Variants in RFTN1 observed in about 807,000 individuals in gnomAD.
RFTN1 encodes raftlin, lipid raft linker 1.
Under a neutral mutation model 46.5 loss-of-function variants are expected in RFTN1, and 26 were observed. That is an observed-to-expected ratio of 0.56 (90% CI 0.41 to 0.78). RFTN1 has a LOEUF of 0.78. Ranked by LOEUF, RFTN1 falls within the 30% of genes least tolerant of loss-of-function variation. The pLI is 0.00. For missense variants in RFTN1, 693 were observed against 718.7 expected (o/e 0.96, Z 0.41); for synonymous variants, 261 against 284.2 (o/e 0.92, Z 0.82).
At chr3:16,493,978 T>C (rs901481736) in intron 1 of RFTN1, 101 bp from the exon 2 acceptor site, 13 of 1,292,856 alleles carry the variant, frequency 1.0e-5, no homozygotes, top group Non-Finnish European at 1.4e-5. Flanking sequence ...GAAGAATACA[T>C]GACAGACCTC....
At chr3:16,441,027 C>T (rs574781328) in intron 2 of RFTN1, among the ~76,000 whole-genome samples, 2 of 152,254 alleles carry the variant, frequency 1.3e-5, no homozygotes, top group Non-Finnish European at 2.9e-5. Context: ...TGATACTGGC[C>T]TCTATTTCCT....
intron 2 of RFTN1, among the ~76,000 whole-genome samples, chr3:16,455,261 G>A (rs911784019): frequency 2.0e-5 from 3 of 152,222 alleles, no homozygotes; most frequent in Non-Finnish European, 4.4e-5. Context: ...CGATTACGTG[G>A]AGAAATGATG....
At chr3:16,367,417 G>T (rs1175249538) in intron 6 of RFTN1, among the ~76,000 whole-genome samples, 3 of 152,160 alleles carry the variant, frequency 2.0e-5, no homozygotes, top group Non-Finnish European at 4.4e-5. Context: ...CCTCCCAAAA[G>T]ACATATAAAG....
intron 1 of RFTN1, 102 bp from the exon 2 acceptor site, chr3:16,493,979 G>A (rs2076584567): frequency 7.8e-7 from 1 of 1,280,804 alleles, no homozygotes; most frequent in African/African-American, 1.5e-5. Flanking sequence ...AAGAATACAT[G>A]ACAGACCTCA....
chr3:16,479,967 A>T lies in RFTN1; in HGVS notation c.145+13758T>A, dbSNP rs572879090. ...CTGGCCTGGTTTCCAGATATAGGAG[A>T]ACAGACACCAGACTAGGACATTAAA... On this transcript the variant is annotated intron_variant, in intron 2 of 9. Coordinates refer to ENST00000334133, the MANE Select transcript of RFTN1 (RefSeq NM_015150.2). This position sits in a 1 kb window ranked among gnomAD's most constrained non-coding sequence, Gnocchi z 5.1. 2.0e-5 allele frequency among the ~76,000 whole-genome samples: 3 copies of T among 152,330 alleles called. No homozygotes were observed. Among genetic ancestry groups the T allele is most frequent in the South Asian group, 4.1e-4 (2 of 4,820 alleles).
chr3:16,355,739 G>C (rs1178939824), intron 7 of RFTN1, among the ~76,000 whole-genome samples: 1 of 152,238 alleles, frequency 6.6e-6, no homozygotes, highest in Non-Finnish European at 1.5e-5. Flanking sequence ...GGGTTCAGCA[G>C]ATCTGGAGTG....
At chr3:16,455,393 A>G (rs1375180940) in intron 2 of RFTN1, among the ~76,000 whole-genome samples, 1 of 152,198 alleles carries the variant, frequency 6.6e-6, no homozygotes, top group Non-Finnish European at 1.5e-5. Context: ...TTTCAAATCC[A>G]CTGGGAAGAG....
chr3:16,460,126 T>C lies in RFTN1; in HGVS notation c.146-26089A>G, dbSNP rs1248007662. The stretch of plus-strand genomic sequence containing the variant: ...TCAGATAATAATGTAGTATGTAAAA[T>C]ATGCATGGTGGAAGGAGTAAACTGT... On this transcript the variant is annotated intron_variant, in intron 2 of 9. Transcript: ENST00000334133. The surrounding 1 kb of genome is among the most constrained non-coding windows in gnomAD (Gnocchi z 4.8). 3.3e-5 allele frequency among the ~76,000 whole-genome samples: 5 copies of C among 152,152 alleles called. No homozygotes were observed. Among genetic ancestry groups the C allele is most frequent in the Non-Finnish European group, 5.9e-5 (4 of 68,022 alleles).
chr3:16,469,550 C>T (rs779793174), intron 2 of RFTN1, among the ~76,000 whole-genome samples: 2 of 152,152 alleles, frequency 1.3e-5, no homozygotes, highest in South Asian at 4.2e-4. Context: ...CTGGTGCAGG[C>T]GGGAAGGAAC....
chr3:16,434,141 C>T (rs141200456), intron 2 of RFTN1, 104 bp from the exon 3 acceptor site: 5 of 950,950 alleles, frequency 5.3e-6, no homozygotes, highest in Non-Finnish European at 6.1e-6. Context: ...CTCTAGGTCA[C>T]TGCTAAAATG....
Position 16,383,026 on chromosome 3 carries a change from A to G in RFTN1, c.442-4924T>C, listed in dbSNP as rs902362623. Among the ~76,000 whole-genome samples the G allele has an allele frequency of 6.6e-6, 1 of 152,252 alleles. No individual in the cohort carries two copies. The highest frequency in any genetic ancestry group is 2.4e-5 in the African/African-American group (1 of 41,470). On this transcript the variant is annotated intron_variant, in intron 4 of 9. Coordinates refer to ENST00000334133, the MANE Select transcript of RFTN1 (RefSeq NM_015150.2). This position sits in a 1 kb window ranked among gnomAD's most constrained non-coding sequence, Gnocchi z 4.0. ...ACTATTAACATTGCACAGCTCTTCT[A>G]CAAAGAACTTTCACATGCATTCCCT...
intron 7 of RFTN1, among the ~76,000 whole-genome samples, chr3:16,331,646 T>A (rs1324242852): frequency 1.3e-5 from 2 of 152,226 alleles, no homozygotes; most frequent in Non-Finnish European, 1.5e-5. Context: ...CCTAAATACA[T>A]TAGTTCCATT....
chr3:16,384,409 CAGTG>C lies in RFTN1; in HGVS notation c.442-6311_442-6308del, dbSNP rs1479258454. Among the ~76,000 whole-genome samples, 6 of 152,186 alleles carry C rather than the reference CAGTG, an allele frequency of 3.9e-5. No homozygotes were observed. The highest frequency in any genetic ancestry group is 3.9e-4 in the Admixed American group (6 of 15,282). On this transcript the variant is annotated intron_variant, in intron 4 of 9. Coordinates refer to ENST00000334133, the MANE Select transcript of RFTN1 (RefSeq NM_015150.2). The surrounding 1 kb of genome is among the most constrained non-coding windows in gnomAD (Gnocchi z 4.7). ...AAGTTCGGTACAGGCTCCCAAATGA[CAGTG>C]AGCCCCAAACAGAAACAAGACAACT...
chr3:16,406,791 T>G (rs2125442904), intron 4 of RFTN1, among the ~76,000 whole-genome samples: 1 of 152,312 alleles, frequency 6.6e-6, no homozygotes, highest in South Asian at 2.1e-4. Context: ...CTGTATGCTG[T>G]TTCACTAAAA....
At chr3:16,431,107 C>T (rs556065461) in intron 3 of RFTN1, among the ~76,000 whole-genome samples, 7 of 152,310 alleles carry the variant, frequency 4.6e-5, no homozygotes, top group South Asian at 2.1e-4. Context: ...AGCTAGAATA[C>T]GGAGGCCGAG....
intron 9 of RFTN1, 24 bp downstream of exon 9, chr3:16,323,352 A>C: frequency 6.5e-7 from 1 of 1,549,058 alleles, no homozygotes; most frequent in Non-Finnish European, 8.9e-7. Flanking sequence ...AGGAAAACCT[A>C]GGAAGGCCAT....
chr3:16,379,326 C>T (rs959703965), intron 4 of RFTN1, among the ~76,000 whole-genome samples: 2 of 152,274 alleles, frequency 1.3e-5, no homozygotes, highest in Admixed American at 1.3e-4. Context: ...GCAGTCCAGT[C>T]TTTAAATCCT....
chr3:16,358,293 T>C lies in RFTN1; in HGVS notation c.1031-246A>G, dbSNP rs115522532. ...ATTTTATGAGCCCAAATTTCATTGTTAGCAATCACCATTTGATTTCACACG... is the reference window on the plus strand; with the variant it reads ...ATTTTATGAGCCCAAATTTCATTGTCAGCAATCACCATTTGATTTCACACG... On this transcript the variant is annotated intron_variant, in intron 6 of 9. Coordinates refer to ENST00000334133, the MANE Select transcript of RFTN1 (RefSeq NM_015150.2). Among the ~76,000 whole-genome samples, 359 of 152,352 alleles carry C rather than the reference T, an allele frequency of 2.4e-3. 1 individual carries two copies. The highest frequency in any genetic ancestry group is 8.4e-3 in the African/African-American group (350 of 41,584).
At chr3:16,340,148 G>T (rs2071216998) in intron 7 of RFTN1, among the ~76,000 whole-genome samples, 1 of 152,148 alleles carries the variant, frequency 6.6e-6, no homozygotes, top group African/African-American at 2.4e-5. Flanking sequence ...CTGTTCCATT[G>T]CCACGCATTA....
Sources: gnomAD v4.1 joint callset for allele counts (sites outside exome capture counted in the v4.1 genomes callset) on GRCh38, gnomAD v4.1.1 for gene constraint, Gnocchi (gnomAD v3.1) non-coding constraint, MANE v1.5 for transcripts, NCBI Gene and HGNC (gene_info 2026-07-23, HGNC 2026-07-21) for gene names.